The following SOX5 variants were observed in gnomAD, a reference collection of about 807,000 sequenced individuals.
The protein encoded by SOX5 is transcription factor SOX-5.
SOX5 carries 9 observed loss-of-function variants against 92.0 expected under a neutral mutation model. The ratio of observed to expected loss-of-function variants is 0.10; its 90% CI spans 0.06 to 0.17. The LOEUF (loss-of-function observed/expected upper bound fraction) is 0.17, where lower values mean the gene tolerates loss of function less well. Among genes scored for constraint, SOX5 ranks in the 10% least tolerant of loss-of-function variants. The pLI, the probability that SOX5 is intolerant of heterozygous loss-of-function variation, is 1.00. For synonymous variants in SOX5, 344 were observed against 336.3 expected, an observed-to-expected ratio of 1.02 and a Z score of -0.25; for missense variants, 642 against 944.5, an observed-to-expected ratio of 0.68 and a Z score of 4.20.
At chr12:23,581,844 C>A (rs1389369614) in intron 9 of SOX5, among the ~76,000 whole-genome samples, 1 of 151,616 alleles carries the variant, frequency 6.6e-6, no homozygotes, top group Non-Finnish European at 1.5e-5. Context: ...TATAATGTTT[C>A]ATTTATAAAA....
At chr12:23,692,094 A>C (rs1420322200) in intron 6 of SOX5, among the ~76,000 whole-genome samples, 2 of 152,120 alleles carry the variant, frequency 1.3e-5, no homozygotes, top group African/African-American at 4.8e-5. Flanking sequence ...TCCTTTTATA[A>C]ATTTCCTGCC....
At chr12:23,994,460 C>T (rs776445670) in intron 4 of SOX5, among the ~76,000 whole-genome samples, 12 of 152,080 alleles carry the variant, frequency 7.9e-5, no homozygotes, top group Non-Finnish European at 1.3e-4. Context: ...TATATAGATA[C>T]AGATATCTAC....
At chr12:24,379,876 C>CTTTTTTTTT (rs10652256) in intron 1 of SOX5, among the ~76,000 whole-genome samples, 3 of 139,714 alleles carry the variant, frequency 2.1e-5, no homozygotes, top group Non-Finnish European at 3.0e-5. Context: ...CCAGAAGATT[C>CTTTTTTTTT]TTTTTTTTTT....
intron 3 of SOX5, 62 bp downstream of exon 3, chr12:23,845,921 T>C (rs1001728734): frequency 5.3e-6 from 7 of 1,324,836 alleles, no homozygotes; most frequent in Non-Finnish European, 7.6e-6. Flanking sequence ...AATCAAGAAA[T>C]TAAAATCAAA....
intron 4 of SOX5, among the ~76,000 whole-genome samples, chr12:24,041,043 A>G (rs1956471637): frequency 6.6e-6 from 1 of 152,180 alleles, no homozygotes; most frequent in Non-Finnish European, 1.5e-5. Context: ...AAATTTAAAA[A>G]TATTTTCTCT....
chr12:23,654,300 G>A (rs1052916918), intron 7 of SOX5, among the ~76,000 whole-genome samples: 2 of 151,914 alleles, frequency 1.3e-5, no homozygotes, highest in African/African-American at 4.8e-5. Context: ...TTTATCTCTT[G>A]TAAATTTTGA....
At chr12:24,535,230 A>G (rs1233427206) in intron 1 of SOX5, among the ~76,000 whole-genome samples, 2 of 152,014 alleles carry the variant, frequency 1.3e-5, no homozygotes, top group African/African-American at 4.8e-5. Context: ...TCACTGGAAG[A>G]CCCCTTCTGC....
chr12:23,813,155 C>T (rs1376139553), intron 3 of SOX5, among the ~76,000 whole-genome samples: 1 of 152,068 alleles, frequency 6.6e-6, no homozygotes, highest in Non-Finnish European at 1.5e-5. Flanking sequence ...CTCTATTCTG[C>T]CTAATGATAG....
intron 3 of SOX5, among the ~76,000 whole-genome samples, chr12:23,780,202 G>C (rs1211801648): frequency 1.3e-5 from 2 of 151,820 alleles, no homozygotes; most frequent in African/African-American, 4.8e-5. Context: ...TTAATAAAAA[G>C]CTGGTTAATT....
intron 2 of SOX5, among the ~76,000 whole-genome samples, chr12:24,314,837 T>C (rs1250628166): frequency 3.9e-5 from 6 of 152,220 alleles, no homozygotes; most frequent in African/African-American, 1.2e-4. Flanking sequence ...TCTCTTTGCT[T>C]TGTTCCTCAT....
rs1003188204 is a variant in SOX5, at chr12:23,665,434, C to G, written c.931+10G>C. 2 of 1,613,112 alleles carry G rather than the reference C, an allele frequency of 1.2e-6. No homozygotes were observed. Among genetic ancestry groups the G allele is most frequent in the African/African-American group, 1.3e-5 (1 of 74,872 alleles). ...CACCCACTCCCAGATGAAAAATCAACAGTACTTACTACATCCAGCCTTATA... is the reference window on the plus strand; with the variant it reads ...CACCCACTCCCAGATGAAAAATCAAGAGTACTTACTACATCCAGCCTTATA... On this transcript the variant is annotated intron_variant, in intron 7 of 14. Transcript: ENST00000451604.
chr12:23,951,182 G>T (rs953984169), upstream of SOX5: 15 of 398,658 alleles, frequency 3.8e-5, no homozygotes, highest in African/African-American at 3.0e-4. Flanking sequence ...CTTCAAAGCC[G>T]AAGTGATTAA....
chr12:24,398,915 T>C (rs1287942481), intron 1 of SOX5, among the ~76,000 whole-genome samples: 1 of 152,140 alleles, frequency 6.6e-6, no homozygotes, highest in African/African-American at 2.4e-5. Context: ...GCTCCACACC[T>C]GTGTCAGAAT....
intron 3 of SOX5, among the ~76,000 whole-genome samples, chr12:23,819,486 G>A (rs908156744): frequency 6.6e-6 from 1 of 152,124 alleles, no homozygotes; most frequent in Non-Finnish European, 1.5e-5. Context: ...GTGCAGGTTT[G>A]TTCCATAGGT....
intron 4 of SOX5, among the ~76,000 whole-genome samples, chr12:24,194,029 C>A (rs992346466): frequency 1.3e-5 from 2 of 152,126 alleles, no homozygotes; most frequent in Admixed American, 1.3e-4. Flanking sequence ...TACATGTTCA[C>A]AATTATAAAT....
At chr12:23,768,215 T>G (rs529539806) in intron 3 of SOX5, among the ~76,000 whole-genome samples, 1 of 152,198 alleles carries the variant, frequency 6.6e-6, no homozygotes, top group African/African-American at 2.4e-5. Flanking sequence ...TCCAATAAAA[T>G]AAGAGACCAC....
intron 11 of SOX5, among the ~76,000 whole-genome samples, chr12:23,561,892 A>G (rs573272209): frequency 6.6e-6 from 1 of 151,906 alleles, no homozygotes; most frequent in East Asian, 1.9e-4. Context: ...CAATGCGCTT[A>G]ACAAATAACG....
chr12:24,470,368 G>A (rs189579632), intron 1 of SOX5, among the ~76,000 whole-genome samples: 15 of 152,268 alleles, frequency 9.9e-5, no homozygotes, highest in Non-Finnish European at 2.1e-4. Flanking sequence ...TAGGAGTAAT[G>A]AGTATAATCA....
At chr12:24,353,287 T>A (rs1291204434) in intron 2 of SOX5, among the ~76,000 whole-genome samples, 1 of 152,136 alleles carries the variant, frequency 6.6e-6, no homozygotes, top group East Asian at 1.9e-4. Context: ...AACCCTTTAC[T>A]CGAACAACTG....
Sources: gnomAD v4.1 joint callset for allele counts (sites outside exome capture counted in the v4.1 genomes callset) on GRCh38, gnomAD v4.1.1 for gene constraint, MANE v1.5 for transcripts, NCBI Gene and HGNC (gene_info 2026-07-23, HGNC 2026-07-21) for gene names.